The following FBH1 variants were observed in gnomAD, a reference collection of about 807,000 sequenced individuals.
FBH1 encodes DNA 3'-5' helicase 1.
FBH1 carries 43 observed loss-of-function variants against 115.5 expected under a neutral mutation model. The observed-to-expected ratio is 0.37, with a 90% CI of 0.29 to 0.48. The LOEUF is 0.48. Ranked by LOEUF, FBH1 falls within the 20% of genes least tolerant of loss-of-function variation. FBH1 has a pLI of 0.99. For synonymous variants in FBH1, 524 were observed against 507.8 expected (o/e 1.03, Z -0.43); for missense variants, 1,001 against 1,337.3 (o/e 0.75, Z 3.92).
rs1312499252 is a variant in FBH1 at position 5,923,847 on chromosome 10, C to T, written c.2398+151C>T. 10 of 673,304 alleles carry T rather than the reference C, an allele frequency of 1.5e-5. No homozygotes were observed. Among genetic ancestry groups the T allele is most frequent in the East Asian group, 2.7e-5 (1 of 36,462 alleles). The allele number at this position is 673,304 out of a possible 1,614,324, so 41.7% of individuals were successfully genotyped here. A position where few individuals can be genotyped will look rare whatever the true frequency, so the allele number is the denominator to read the frequency against. On this transcript the variant is annotated intron_variant, in intron 16 of 20. Transcript: ENST00000362091. The surrounding 1 kb of genome is among the most constrained non-coding windows in gnomAD (Gnocchi z 5.7). Reference sequence around the variant, plus strand: ...TCTTCCCATGACGAGGGGGGTGCCTCGGGCCTCCTGTTTTCATAGGTACTG... The same window carrying T: ...TCTTCCCATGACGAGGGGGGTGCCTTGGGCCTCCTGTTTTCATAGGTACTG...
chr10:5,909,131 C>A lies in FBH1; in HGVS notation c.885-28C>A. ...CATCAGTGCTTATGGTCACCCTACT[C>A]ATGGCCTCTCCTGTGAATGTCTTAC... On this transcript the variant is annotated intron_variant, in intron 4 of 20. Coordinates refer to ENST00000362091, the MANE Select transcript of FBH1 (RefSeq NM_178150.3). This position sits in a 1 kb window ranked among gnomAD's most constrained non-coding sequence, Gnocchi z 4.4. 1 of 1,613,408 alleles carries A rather than the reference C, an allele frequency of 6.2e-7. No individual in the cohort carries two copies. The highest frequency in any genetic ancestry group is 1.7e-5 in the Admixed American group (1 of 60,020).
rs1832309528 is a variant in FBH1, at chr10:5,921,451, G to A, written c.2204G>A (p.Gly735Asp). The A allele has an allele frequency of 1.2e-6, 2 of 1,603,446 alleles. No homozygotes were observed. The highest frequency in any genetic ancestry group is 1.1e-5 in the South Asian group (1 of 89,194). The change falls in exon 15 of 21, where the codon GGC becomes GAC. Residue 735 changes from glycine to aspartate, a missense_variant. By Grantham distance (94) the Gly-to-Asp change is moderately conservative (BLOSUM62 -1). Coordinates refer to ENST00000362091, the MANE Select transcript of FBH1 (RefSeq NM_178150.3). This position sits in a 1 kb window ranked among gnomAD's most constrained non-coding sequence, Gnocchi z 6.4. ...KTLVGGNHQS[G>D]IRGDAKGQVA... ...AGTTTGTGCTCTCTCCCTAAAGGTG[G>A]CATTAGAGGTGACGCAAAGGGGCAA... is the stretch of plus-strand genomic sequence containing the variant.
Position 5,906,437 on chromosome 10 carries a change from C to T in FBH1, c.558C>T (p.Asp186=), listed in dbSNP as rs755673158. Residue 186 remains aspartate, a synonymous_variant, in exon 3 of 21, where the codon GAC becomes GAT. Coordinates refer to ENST00000362091, the MANE Select transcript of FBH1 (RefSeq NM_178150.3). This position sits in a 1 kb window ranked among gnomAD's most constrained non-coding sequence, Gnocchi z 7.3. The stretch of plus-strand genomic sequence containing the variant: ...GTGAAACCGACCAAGATGCTGGGGA[C>T]GTGGGTCCTGATCCCATTCCTGACT... The part of the protein sequence containing the change: ...ESGETDQDAG[D]VGPDPIPDSY... 3.8e-5 allele frequency: 62 copies of T among 1,614,196 alleles called. No homozygotes were observed. Among genetic ancestry groups the T allele is most frequent in the African/African-American group, 3.5e-4 (26 of 75,046 alleles).
At position 5,916,175 on chromosome 10, in the gene FBH1, C is replaced by T. The variant is rs1589087706; in HGVS notation, c.1566-59C>T. ...GTGACATTAGAGAGAATGGAGGGGACGTTCAATAGCACCAAGCCAGGAGAG... is the reference window on the plus strand; with the variant it reads ...GTGACATTAGAGAGAATGGAGGGGATGTTCAATAGCACCAAGCCAGGAGAG... On this transcript the variant is annotated intron_variant, in intron 9 of 20. Coordinates refer to ENST00000362091, the MANE Select transcript of FBH1 (RefSeq NM_178150.3). The T allele has an allele frequency of 1.1e-5, 16 of 1,429,540 alleles. 1 individual carries two copies. The South Asian group carries it at 1.2e-4, about 11-fold the overall frequency. 88.6% of individuals were successfully genotyped at this position (1,429,540 alleles called of 1,614,324 possible).
intron 1 of FBH1, chr10:5,894,921 G>T (rs1842925881): frequency 1.1e-6 from 1 of 912,328 alleles, no homozygotes; most frequent in Non-Finnish European, 1.6e-6. Flanking sequence ...ACAAAGAATT[G>T]TTACAAGTAT....
rs12360409 is a variant in FBH1, at chr10:5,933,835, A to G, written c.2830-2621A>G. Reference sequence around the variant, plus strand: ...TTTTTTTTGGTATTTTTTTTTTGTTAAAGACGAGGTTTCACCATGTTGGCC... The same window carrying G: ...TTTTTTTTGGTATTTTTTTTTTGTTGAAGACGAGGTTTCACCATGTTGGCC... On this transcript the variant is annotated intron_variant, in intron 19 of 20. Transcript: ENST00000362091. This position sits in a 1 kb window ranked among gnomAD's most constrained non-coding sequence, Gnocchi z 4.9. 0.29 allele frequency among the ~76,000 whole-genome samples: 43,795 copies of G among 151,386 alleles called. 6,859 individuals are homozygous for G. Among genetic ancestry groups the G allele is most frequent in the Middle Eastern group, 0.35 (103 of 294 alleles).
chr10:5,917,527 C>G lies in FBH1; in HGVS notation c.1876+20C>G. Reference sequence around the variant, plus strand: ...ATGACGGTAGGCGGCTGCCGAATGGCGGGGACTGGCCAATGGGACTGCCTT... The same window carrying G: ...ATGACGGTAGGCGGCTGCCGAATGGGGGGGACTGGCCAATGGGACTGCCTT... On this transcript the variant is annotated intron_variant, in intron 11 of 20. Coordinates refer to ENST00000362091, the MANE Select transcript of FBH1 (RefSeq NM_178150.3). The surrounding 1 kb of genome is among the most constrained non-coding windows in gnomAD (Gnocchi z 5.6). 6.2e-7 allele frequency: 1 copy of G among 1,613,676 alleles called. No individual in the cohort carries two copies. The highest frequency in any genetic ancestry group is 1.7e-5 in the Admixed American group (1 of 60,004).
chr10:5,930,578 T>G (rs1301082685), intron 19 of FBH1, among the ~76,000 whole-genome samples: 1 of 152,264 alleles, frequency 6.6e-6, no homozygotes, highest in Non-Finnish European at 1.5e-5. Context: ...GGCTTCGTGC[T>G]TTGCCTCGTC....
intron 1 of FBH1, among the ~76,000 whole-genome samples, chr10:5,891,372 A>G (rs551449683): frequency 6.6e-6 from 1 of 152,324 alleles, no homozygotes. Context: ...CCAGCAAAAG[A>G]AAAAAAGGAA....
rs537887361 is a variant in FBH1, at chr10:5,929,178, G to C, written c.2829+1637G>C. Among the ~76,000 whole-genome samples, 13 of 152,312 alleles carry C rather than the reference G, an allele frequency of 8.5e-5. 1 individual carries two copies. In the South Asian group the frequency reaches 2.5e-3, roughly 29 times the overall value. On this transcript the variant is annotated intron_variant, in intron 19 of 20. Transcript: ENST00000362091. ...GCAGGGAAATTCCTGCCCTCATAGA[G>C]CCCATCCAGGCGAGGAGATGGACAA...
intron 9 of FBH1, 101 bp from the exon 10 acceptor site, chr10:5,916,133 C>A: frequency 9.6e-7 from 1 of 1,045,044 alleles, no homozygotes; most frequent in Non-Finnish European, 1.4e-6. Context: ...GTGTGTGGCA[C>A]TTGAAGCTAC....
In FBH1 at chr10:5,925,298, G is replaced by A; in HGVS notation, c.2597-69G>A. 6.3e-7 allele frequency: 1 copy of A among 1,578,810 alleles called. No individual in the cohort carries two copies. Reference sequence around the variant, plus strand: ...GAGTTCAGAGTCAAGTGGGAAACATGTATGTTTTTGTCATCTTGTTTCTTT... The same window carrying A: ...GAGTTCAGAGTCAAGTGGGAAACATATATGTTTTTGTCATCTTGTTTCTTT... On this transcript the variant is annotated intron_variant, in intron 17 of 20. Transcript: ENST00000362091. This position sits in a 1 kb window ranked among gnomAD's most constrained non-coding sequence, Gnocchi z 4.6.
In FBH1 at chr10:5,910,946, C is replaced by T. The variant is rs2131963102; in HGVS notation, c.1029C>T (p.Asn343=). The T allele has an allele frequency of 6.2e-7, 1 of 1,609,516 alleles. No homozygotes were observed. The highest frequency in any genetic ancestry group is 8.5e-7 in the Non-Finnish European group (1 of 1,179,192). The change falls in exon 6 of 21, where the codon AAC becomes AAT. Residue 343 remains asparagine (N), a synonymous_variant. Coordinates refer to ENST00000362091, the MANE Select transcript of FBH1 (RefSeq NM_178150.3). The surrounding 1 kb of genome is among the most constrained non-coding windows in gnomAD (Gnocchi z 4.8). ...GTGCACCTGGCTTGCAGGGTGTCAACATCTGGGCCCTGGTGGCGGCTGTGG... is the reference window on the plus strand; with the variant it reads ...GTGCACCTGGCTTGCAGGGTGTCAATATCTGGGCCCTGGTGGCGGCTGTGG... The part of the protein sequence containing the change: ...PDLYAAAGGV[N]IWALVAAVVL...
In FBH1 at chr10:5,911,644, C is replaced by T. The variant is rs1043203317; in HGVS notation, c.1211+516C>T. Among the ~76,000 whole-genome samples the T allele has an allele frequency of 1.3e-5, 2 of 151,932 alleles. No individual in the cohort carries two copies. The highest frequency in any genetic ancestry group is 4.8e-5 in the African/African-American group (2 of 41,326). Reference sequence around the variant, plus strand: ...CAAACACTGAACACCTGTGTGTGTCCGACAGTTGTCCACGAGCCGGTCCAC... The same window carrying T: ...CAAACACTGAACACCTGTGTGTGTCTGACAGTTGTCCACGAGCCGGTCCAC... On this transcript the variant is annotated intron_variant, in intron 6 of 20. Coordinates refer to ENST00000362091, the MANE Select transcript of FBH1 (RefSeq NM_178150.3). This position sits in a 1 kb window ranked among gnomAD's most constrained non-coding sequence, Gnocchi z 5.4.
Position 5,915,962 on chromosome 10 carries a change from T to C in FBH1, c.1566-272T>C, listed in dbSNP as rs917110837. On this transcript the variant is annotated intron_variant, in intron 9 of 20. Coordinates refer to ENST00000362091, the MANE Select transcript of FBH1 (RefSeq NM_178150.3). This position sits in a 1 kb window ranked among gnomAD's most constrained non-coding sequence, Gnocchi z 5.2. ...TAGAGGCATCAGGGAACTCCAAGGG[T>C]CCCTCCGGGGACCTTCTGGAGCCCA... 1 of 499,872 alleles carries C rather than the reference T, an allele frequency of 2.0e-6. No homozygotes were observed. The highest frequency in any genetic ancestry group is 1.9e-5 in the African/African-American group (1 of 52,118). 31.0% of individuals were successfully genotyped at this position (499,872 alleles called of 1,614,324 possible).
In FBH1 at chr10:5,926,092, G is replaced by GTTATTA. The variant is rs558928372; in HGVS notation, c.2722+606_2722+611dup. 3.3e-3 allele frequency among the ~76,000 whole-genome samples: 426 copies of GTTATTA among 128,970 alleles called. 1 individual carries two copies. The highest frequency in any genetic ancestry group is 0.011 in the African/African-American group (410 of 36,778). The allele number at this position is 128,970 out of a possible 152,430, so 84.6% of individuals were successfully genotyped here. A position where few individuals can be genotyped will look rare whatever the true frequency, so the allele number is the denominator to read the frequency against. ...ATTTGTCTGCTTTCTTGTTGTTGTT[G>GTTATTA]TTATTATTATTCTTATTCTTATTCT... On this transcript the variant is annotated intron_variant, in intron 18 of 20. Coordinates refer to ENST00000362091, the MANE Select transcript of FBH1 (RefSeq NM_178150.3).
chr10:5,934,960 G>A (rs1833236504), intron 19 of FBH1: 1 of 152,190 alleles, frequency 6.6e-6, no homozygotes. Flanking sequence ...GGGACTACAG[G>A]TGTGACCCCC....
Position 5,936,624 on chromosome 10 carries a change from T to A in FBH1, c.2961+37T>A. The A allele has an allele frequency of 6.2e-7, 1 of 1,608,132 alleles. No individual in the cohort carries two copies. Reference sequence around the variant, plus strand: ...GTCTGTGGAACTTAATTCAGCCATTTGCATTTTTTGCTTGTGAGCTCTGTG... The same window carrying A: ...GTCTGTGGAACTTAATTCAGCCATTAGCATTTTTTGCTTGTGAGCTCTGTG... On this transcript the variant is annotated intron_variant, in intron 20 of 20. Coordinates refer to ENST00000362091, the MANE Select transcript of FBH1 (RefSeq NM_178150.3). The surrounding 1 kb of genome is among the most constrained non-coding windows in gnomAD (Gnocchi z 5.6).
chr10:5,911,132 A>G lies in FBH1; in HGVS notation c.1211+4A>G, dbSNP rs1290984728. 3 of 1,607,826 alleles carry G rather than the reference A, an allele frequency of 1.9e-6. No homozygotes were observed. The highest frequency in any genetic ancestry group is 4.5e-5 in the East Asian group (2 of 44,614). On this transcript the variant is annotated splice_donor_region_variant and intron_variant, in intron 6 of 20. Coordinates refer to ENST00000362091, the MANE Select transcript of FBH1 (RefSeq NM_178150.3). This position sits in a 1 kb window ranked among gnomAD's most constrained non-coding sequence, Gnocchi z 5.4. ...AGGGGATTAACATCAGCAATAGGTA[A>G]TGCCCCGGGAGGAGGGGAGGGGATG... is the stretch of plus-strand genomic sequence containing the variant.
Sources: allele counts gnomAD v4.1 joint callset (sites outside exome capture counted in the v4.1 genomes callset), GRCh38; gene constraint gnomAD v4.1.1; non-coding constraint Gnocchi (gnomAD v3.1); transcripts MANE v1.5; gene names NCBI Gene and HGNC (gene_info 2026-07-23, HGNC 2026-07-21).